CD8B2: variants seen among roughly 807,000 people sequenced by gnomAD.
CD8B2 encodes CD8B family member 2.
In CD8B2, 11 loss-of-function variants were observed where a neutral mutation model predicts 23.7. The observed-to-expected ratio is 0.46, with a 90% CI of 0.29 to 0.77. The LOEUF (loss-of-function observed/expected upper bound fraction) is 0.77. Among genes scored for constraint, CD8B2 ranks in the 30% least tolerant of loss-of-function variants. The pLI, the probability that CD8B2 is intolerant of heterozygous loss-of-function variation, is 0.09. For synonymous variants in CD8B2, 90 were observed against 109.3 expected (o/e 0.82, Z 1.10); for missense variants, 197 against 270.5 (o/e 0.73, Z 1.91).
chr2:106,523,858 C>CT (rs1310609754), intron 5 of CD8B2, among the ~76,000 whole-genome samples: 5 of 152,134 alleles, frequency 3.3e-5, no homozygotes, highest in Non-Finnish European at 7.4e-5. Context: ...AGATGAATTG[C>CT]TTTCTCATTG....
chr2:106,538,496 G>T (rs900352554), intron 5 of CD8B2, among the ~76,000 whole-genome samples: 7 of 152,070 alleles, frequency 4.6e-5, no homozygotes, highest in Non-Finnish European at 7.4e-5. Flanking sequence ...ATTTCCCCAT[G>T]TTGTAATAAG....
intron 5 of CD8B2, among the ~76,000 whole-genome samples, chr2:106,528,400 T>C (rs1679944916): frequency 1.3e-5 from 2 of 152,232 alleles, no homozygotes; most frequent in Non-Finnish European, 2.9e-5. Context: ...TTGTAACTCA[T>C]ACAGTTAGTT....
chr2:106,487,728 G>A (rs924752899), intron 1 of CD8B2, among the ~76,000 whole-genome samples: 2 of 152,206 alleles, frequency 1.3e-5, no homozygotes, highest in African/African-American at 2.4e-5. Flanking sequence ...GAGAAGGGGA[G>A]GCAGTGAAAA....
intron 5 of CD8B2, among the ~76,000 whole-genome samples, chr2:106,527,370 T>G (rs954254299): frequency 6.6e-6 from 1 of 152,382 alleles, no homozygotes. Context: ...TCAGAACTTC[T>G]GTTCCTGTTT....
At chr2:106,512,813 G>T (rs1346209523), downstream of CD8B2, among the ~76,000 whole-genome samples, 5 of 152,114 alleles carry the variant, frequency 3.3e-5, no homozygotes, top group Non-Finnish European at 7.4e-5. Context: ...AGCCAGCCCT[G>T]TGCTGGGACT....
chr2:106,517,158 A>T (rs62154013), intron 5 of CD8B2, among the ~76,000 whole-genome samples: 21,947 of 151,450 alleles, frequency 0.14, 1,877 homozygotes, highest in South Asian at 0.22. Context: ...ATTTTTTGGC[A>T]CATTCCTTTG....
At position 106,491,156 on chromosome 2, in the gene CD8B2, A is replaced by G. The variant is rs553378523; in HGVS notation, c.326A>G (p.Glu109Gly). The change falls in exon 2 of 6, where the codon GAG (glutamate) becomes GGG (glycine). Residue 109 changes from glutamate to glycine, a missense_variant. Physicochemically the swap from Glu to Gly is moderately conservative, Grantham distance 98 (BLOSUM62 -2). Coordinates refer to ENST00000643224, the MANE Select transcript of CD8B2 (RefSeq NM_001349727.2). ...FILNLTSVKP[E>G]DSGIYFCMIV... ...CTCAATCTCACAAGCGTGAAGCCGG[A>G]GGACAGTGGCATCTACTTCTGCATG... The G allele has an allele frequency of 2.7e-5, 43 of 1,613,988 alleles. No individual in the cohort carries two copies. Among genetic ancestry groups the G allele is most frequent in the Admixed American group, 1.2e-4 (7 of 60,022 alleles).
intron 3 of CD8B2, among the ~76,000 whole-genome samples, 156 bp downstream of exon 3, chr2:106,496,418 T>C (rs6734823): frequency 0.99 from 150,386 of 151,940 alleles, 74,445 homozygotes; most frequent in East Asian, 1. Context: ...CTGAGTGTGA[T>C]AGCAACTCAC....
chr2:106,515,989 AT>A (rs200112622), downstream of CD8B2, among the ~76,000 whole-genome samples: 130 of 146,778 alleles, frequency 8.9e-4, no homozygotes, highest in Middle Eastern at 3.5e-3. Flanking sequence ...TGCTCAGCTA[AT>A]TTTTTTTTTT....
intron 1 of CD8B2, among the ~76,000 whole-genome samples, chr2:106,487,805 G>A (rs899282147): frequency 6.6e-6 from 1 of 152,156 alleles, no homozygotes; most frequent in African/African-American, 2.4e-5. Context: ...ACAGGTCCCT[G>A]CCCAGGGTCC....
chr2:106,531,180 G>A (rs1437653982), intron 5 of CD8B2, among the ~76,000 whole-genome samples: 1 of 152,122 alleles, frequency 6.6e-6, no homozygotes, highest in Non-Finnish European at 1.5e-5. Context: ...AAAGGATCAA[G>A]TAGCAGAATT....
chr2:106,496,827 T>TGAG (rs1446473215), intron 3 of CD8B2, among the ~76,000 whole-genome samples: 2 of 152,046 alleles, frequency 1.3e-5, no homozygotes, highest in African/African-American at 4.8e-5. Flanking sequence ...TTAAATGTTC[T>TGAG]GAAATTACAT....
chr2:106,493,504 A>C (rs1679235361), intron 2 of CD8B2, among the ~76,000 whole-genome samples: 1 of 151,460 alleles, frequency 6.6e-6, no homozygotes, highest in Admixed American at 6.6e-5. Context: ...TGACCATCTG[A>C]AAGACGTCCC....
intron 2 of CD8B2, among the ~76,000 whole-genome samples, chr2:106,493,093 A>C (rs1257211355): frequency 6.6e-6 from 1 of 152,042 alleles, no homozygotes; most frequent in Non-Finnish European, 1.5e-5. Flanking sequence ...CCCTCCCAGC[A>C]CTACAGGAAT....
At chr2:106,490,772 T>C (rs188157826) in intron 1 of CD8B2, 102 bp from the exon 2 acceptor site, 1 of 1,521,520 alleles carries the variant, frequency 6.6e-7, no homozygotes, top group African/African-American at 1.4e-5. Flanking sequence ...CTGGGCAGGT[T>C]CTTCCATGGC....
chr2:106,493,523 C>T lies in CD8B2; in HGVS notation c.403+2290C>T, dbSNP rs1044905407. ...CATCTGAAAGACGTCCCTGCTTCCT[C>T]GGGTAGAAAATAAGTCAAACAGAAC... On this transcript the variant is annotated intron_variant, in intron 2 of 5. Transcript: ENST00000643224. 1.1e-4 allele frequency among the ~76,000 whole-genome samples: 15 copies of T among 133,600 alleles called. No homozygotes were observed. In the East Asian group the frequency reaches 3.2e-3, roughly 28 times the overall value. The allele number at this position is 133,600 out of a possible 152,430, so 87.6% of individuals were successfully genotyped here. A position where few individuals can be genotyped will look rare whatever the true frequency, so the allele number is the denominator to read the frequency against.
chr2:106,515,206 G>A (rs1679710695), downstream of CD8B2, among the ~76,000 whole-genome samples: 1 of 152,246 alleles, frequency 6.6e-6, no homozygotes, highest in African/African-American at 2.4e-5. Context: ...TGGGACAGAT[G>A]AGCATTACTT....
At chr2:106,535,821 A>G (rs1457687569) in intron 5 of CD8B2, among the ~76,000 whole-genome samples, 1 of 152,182 alleles carries the variant, frequency 6.6e-6, no homozygotes, top group Non-Finnish European at 1.5e-5. Flanking sequence ...ACTGCTATAA[A>G]TACCTGAGGC....
chr2:106,540,710 G>A (rs927243964), intron 5 of CD8B2, among the ~76,000 whole-genome samples: 2 of 151,938 alleles, frequency 1.3e-5, no homozygotes, highest in East Asian at 1.9e-4. Flanking sequence ...GATTACAGGC[G>A]CCTACCACCA....
Sources: gnomAD v4.1 joint callset for allele counts (sites outside exome capture counted in the v4.1 genomes callset) on GRCh38, gnomAD v4.1.1 for gene constraint, MANE v1.5 for transcripts, NCBI Gene and HGNC (gene_info 2026-07-23, HGNC 2026-07-21) for gene names.